Variants in GNPTAB observed in about 807,000 individuals in gnomAD.
The protein encoded by GNPTAB is N-acetylglucosamine-1-phosphotransferase subunits alpha/beta.
GNPTAB carries 92 observed loss-of-function variants against 136.6 expected under a neutral mutation model. The ratio of observed to expected loss-of-function variants is 0.67; its 90% CI spans 0.57 to 0.80. The LOEUF is 0.80. Among genes scored for constraint, GNPTAB ranks in the 30% least tolerant of loss-of-function variants. The pLI is 0.00. For synonymous variants in GNPTAB, 512 were observed against 535.1 expected (o/e 0.96, Z 0.60); for missense variants, 1,343 against 1,501.8 (o/e 0.89, Z 1.75).
chr12:101,806,413 G>A (rs1246622045), intron 1 of GNPTAB, among the ~76,000 whole-genome samples: 1 of 152,166 alleles, frequency 6.6e-6, no homozygotes, highest in Non-Finnish European at 1.5e-5. Context: ...TAAAGGAAGA[G>A]ATGACTGAGG....
rs111990724 is a variant in GNPTAB at position 101,757,036 on chromosome 12, TG to T, written c.3434+175del. ...CGAAGTTCAGGCTCATCCCTCTGCA[TG>T]GGGGACCCTATCTCAACTTGCAACT... is the stretch of plus-strand genomic sequence containing the variant. On this transcript the variant is annotated intron_variant, in intron 18 of 20. Transcript: ENST00000299314. 6.5e-4 allele frequency: 372 copies of T among 572,960 alleles called. No homozygotes were observed. In the African/African-American group the frequency reaches 6.5e-3, roughly 10 times the overall value. 35.5% of individuals were successfully genotyped at this position (572,960 alleles called of 1,614,324 possible). A position where few individuals can be genotyped will look rare whatever the true frequency, so the allele number is the denominator to read the frequency against.
At chr12:101,817,995 T>C (rs928153341) in intron 1 of GNPTAB, among the ~76,000 whole-genome samples, 3 of 152,244 alleles carry the variant, frequency 2.0e-5, no homozygotes, top group African/African-American at 7.2e-5. Flanking sequence ...TTCTTCAGGA[T>C]GAATTCACAT....
At chr12:101,795,391 T>C (rs1228266906) in intron 2 of GNPTAB, among the ~76,000 whole-genome samples, 2 of 152,192 alleles carry the variant, frequency 1.3e-5, no homozygotes, top group African/African-American at 4.8e-5. Flanking sequence ...TTTATAAGGT[T>C]ATAATTATCC....
At chr12:101,805,740 C>A (rs1380981123) in intron 1 of GNPTAB, among the ~76,000 whole-genome samples, 1 of 152,088 alleles carries the variant, frequency 6.6e-6, no homozygotes, top group Non-Finnish European at 1.5e-5. Flanking sequence ...AAAATTGCTC[C>A]TTTCTTGAGG....
intron 1 of GNPTAB, among the ~76,000 whole-genome samples, chr12:101,815,265 T>C (rs958850349): frequency 1.3e-5 from 2 of 152,152 alleles, no homozygotes; most frequent in African/African-American, 2.4e-5. Context: ...GGTTTCACCA[T>C]GTTGCCTAGG....
rs534374461 is a variant in GNPTAB at position 101,745,716 on chromosome 12, G to A, written c.*1448C>T. On this transcript the variant is annotated 3_prime_UTR_variant, in exon 21 of 21. Coordinates refer to ENST00000299314, the MANE Select transcript of GNPTAB (RefSeq NM_024312.5). ...ATTATGACATAAAATATGGCTAGACGCCAAGGTTTAACCATACATAAAAAT... is the reference window on the plus strand; with the variant it reads ...ATTATGACATAAAATATGGCTAGACACCAAGGTTTAACCATACATAAAAAT... The A allele has an allele frequency of 2.0e-5, 3 of 152,200 alleles. No homozygotes were observed. Among genetic ancestry groups the A allele is most frequent in the Admixed American group, 2.0e-4 (3 of 15,292 alleles). The allele number at this position is 152,200 out of a possible 1,614,324, so 9.4% of individuals were successfully genotyped here.
At chr12:101,822,439 T>A (rs1319453531) in intron 1 of GNPTAB, among the ~76,000 whole-genome samples, 2 of 151,990 alleles carry the variant, frequency 1.3e-5, no homozygotes, top group East Asian at 1.9e-4. Flanking sequence ...AAAGAAAGAA[T>A]AAGCTCTAAC....
intron 1 of GNPTAB, among the ~76,000 whole-genome samples, chr12:101,804,044 C>A (rs1380865978): frequency 1.3e-5 from 2 of 151,254 alleles, no homozygotes; most frequent in Admixed American, 6.6e-5. Context: ...CCAGTCTGGG[C>A]AATATAGTAA....
At chr12:101,813,764 C>G (rs1870359874) in intron 1 of GNPTAB, among the ~76,000 whole-genome samples, 1 of 151,996 alleles carries the variant, frequency 6.6e-6, no homozygotes, top group East Asian at 1.9e-4. Context: ...CTTTGGGAGG[C>G]CAAGGCAGGA....
intron 1 of GNPTAB, among the ~76,000 whole-genome samples, chr12:101,816,938 G>A (rs1870538668): frequency 6.6e-6 from 1 of 152,160 alleles, no homozygotes; most frequent in Non-Finnish European, 1.5e-5. Context: ...AAATAAGCCA[G>A]GCACAGAAAA....
rs281864999 is a variant in GNPTAB, at chr12:101,764,223, CT to C, written c.2693del (p.Lys898SerfsTer13). 6 of 1,613,820 alleles carry C rather than the reference CT, an allele frequency of 3.7e-6. No individual in the cohort carries two copies. Among genetic ancestry groups the C allele is most frequent in the Non-Finnish European group, 4.2e-6 (5 of 1,179,822 alleles). ...YLGFLPWEKK[K>X]YFQDLLDEEE... ...TTACGTCGAGAAGATCTTGGAAATA[CT>C]TTTTTTTCTCCCATGGCAAAAAGCC... On this transcript the variant is annotated frameshift_variant, in exon 13 of 21. Transcript: ENST00000299314. LOFTEE classifies it high-confidence loss of function.
intron 16 of GNPTAB, among the ~76,000 whole-genome samples, chr12:101,758,108 A>T (rs1386260296): frequency 6.7e-6 from 1 of 148,164 alleles, no homozygotes; most frequent in Admixed American, 6.9e-5. Context: ...GCGCGATCTC[A>T]GCTTACTGCA....
rs139611094 is a variant in GNPTAB, at chr12:101,780,709, G to A, written c.572-88C>T. ...AGAACACTGTGAAAACATTCTGAGA[G>A]CTATTAAAGCAGCATAATATATGGT... On this transcript the variant is annotated intron_variant, in intron 5 of 20. Transcript: ENST00000299314. 9.3e-4 allele frequency: 847 copies of A among 910,400 alleles called. 7 individuals are homozygous for A. In the African/African-American group the frequency reaches 0.012, roughly 13 times the overall value. 56.4% of individuals were successfully genotyped at this position (910,400 alleles called of 1,614,324 possible). A position where few individuals can be genotyped will look rare whatever the true frequency, so the allele number is the denominator to read the frequency against.
chr12:101,809,333 G>A (rs1277201292), intron 1 of GNPTAB, among the ~76,000 whole-genome samples: 1 of 152,222 alleles, frequency 6.6e-6, no homozygotes, highest in Non-Finnish European at 1.5e-5. Context: ...TTGATTGCTG[G>A]TGGGAATTCA....
chr12:101,780,117 T>A (rs530530371), intron 7 of GNPTAB, 35 bp downstream of exon 7: 2 of 1,596,416 alleles, frequency 1.3e-6, no homozygotes, highest in Admixed American at 3.3e-5. Flanking sequence ...AATGAGAATG[T>A]GCCAGGCTAA....
chr12:101,751,640 T>G (rs1425335207), intron 19 of GNPTAB, among the ~76,000 whole-genome samples: 8 of 152,194 alleles, frequency 5.3e-5, no homozygotes, highest in African/African-American at 1.7e-4. Flanking sequence ...GCCAGCTACT[T>G]CAGCTGGAGC....
chr12:101,820,990 G>C (rs774985769), intron 1 of GNPTAB, among the ~76,000 whole-genome samples: 2 of 150,852 alleles, frequency 1.3e-5, no homozygotes, highest in Non-Finnish European at 2.9e-5. Context: ...CCAGGAGGTG[G>C]AGGTTGCAGT....
intron 18 of GNPTAB, among the ~76,000 whole-genome samples, chr12:101,754,896 T>C (rs1408235255): frequency 1.3e-5 from 2 of 152,168 alleles, no homozygotes; most frequent in Non-Finnish European, 2.9e-5. Flanking sequence ...TTTATTCATA[T>C]ACACATGCAA....
At chr12:101,822,416 AAAAGAAAG>A (rs924505593) in intron 1 of GNPTAB, among the ~76,000 whole-genome samples, 6 of 152,222 alleles carry the variant, frequency 3.9e-5, no homozygotes, top group African/African-American at 9.6e-5. Flanking sequence ...CGTCTCAAAA[AAAAGAAAG>A]AAAGAAAGAA....
Sources: gnomAD v4.1 joint callset for allele counts (sites outside exome capture counted in the v4.1 genomes callset) on GRCh38, gnomAD v4.1.1 for gene constraint, MANE v1.5 for transcripts, NCBI Gene and HGNC (gene_info 2026-07-23, HGNC 2026-07-21) for gene names.